The following TRIM49 variants were observed in gnomAD, a reference collection of about 807,000 sequenced individuals.
TRIM49 encodes tripartite motif containing 49.
A neutral mutation model predicts 27.4 loss-of-function variants in TRIM49; 5 were observed. That is an observed-to-expected ratio of 0.18 (90% confidence interval 0.10 to 0.38). TRIM49 has a LOEUF of 0.38. Among genes scored for constraint, TRIM49 ranks in the 10% least tolerant of loss-of-function variants. The pLI, the probability that TRIM49 is intolerant of heterozygous loss-of-function variation, is 1.00. For missense variants in TRIM49, 188 were observed against 487.5 expected, an observed-to-expected ratio of 0.39 and a Z score of 5.79; for synonymous variants, 69 against 166.0, an observed-to-expected ratio of 0.42 and a Z score of 4.49.
At chr11:89,776,750 G>C in the TRIM49 span, among the ~76,000 whole-genome samples, 3 of 152,012 alleles carry the variant, frequency 2.0e-5, no homozygotes, top group South Asian at 4.1e-4. Flanking sequence ...ATCTTGGTAT[G>C]TCAGGGAGTC....
At chr11:89,770,442 A>C in the TRIM49 span, among the ~76,000 whole-genome samples, 1,974 of 136,994 alleles carry the variant, frequency 0.014, 225 homozygotes, top group African/African-American at 0.027. Context: ...TGTAGTTATC[A>C]CTTCCTAAAA....
intron 2 of TRIM49, 56 bp downstream of exon 2, chr11:89,807,041 CTA>C (rs902173760): frequency 6.6e-6 from 1 of 151,114 alleles, no homozygotes; most frequent in Non-Finnish European, 1.5e-5. Flanking sequence ...TTTTAACACT[CTA>C]ATTTATTATT....
At chr11:89,792,766 G>A (rs1949663633), downstream of TRIM49, among the ~76,000 whole-genome samples, 1 of 152,106 alleles carries the variant, frequency 6.6e-6, no homozygotes, top group African/African-American at 2.4e-5. Flanking sequence ...GAAATTTATA[G>A]CACTAAATGC....
the TRIM49 span, chr11:89,768,358 G>T: frequency 7.9e-5 from 92 of 1,171,794 alleles, 2 homozygotes; most frequent in Non-Finnish European, 1.0e-4. Context: ...AACAGAAAAT[G>T]CTTCATTCAA....
chr11:89,803,566 A>G (rs1949757626), intron 4 of TRIM49, 132 bp downstream of exon 4: 3 of 1,527,564 alleles, frequency 2.0e-6, no homozygotes, highest in Non-Finnish European at 2.6e-6. Flanking sequence ...ACTTTTTCTC[A>G]GTGTTTTCTC....
downstream of TRIM49, chr11:89,797,531 A>G (rs1458151437): frequency 4.0e-5 from 6 of 151,016 alleles, no homozygotes; most frequent in South Asian, 4.2e-4. Context: ...AAAAATTTCA[A>G]TTAATCCAGC....
chr11:89,782,194 C>T, the TRIM49 span: 19,073 of 1,505,204 alleles, frequency 0.013, 123 homozygotes, highest in African/African-American at 0.039. Context: ...ATAGTCTCTC[C>T]ACCAACTCTC....
At chr11:89,797,000 C>A (rs1480752812), downstream of TRIM49, among the ~76,000 whole-genome samples, 2 of 151,952 alleles carry the variant, frequency 1.3e-5, no homozygotes, top group Non-Finnish European at 2.9e-5. Context: ...ATCTCTCCAG[C>A]CATGAATAAA....
At chr11:89,791,621 G>C in the TRIM49 span, among the ~76,000 whole-genome samples, 1 of 151,074 alleles carries the variant, frequency 6.6e-6, no homozygotes. Flanking sequence ...TTTCAACCCA[G>C]AATATCATAT....
the TRIM49 span, among the ~76,000 whole-genome samples, chr11:89,767,900 A>T: frequency 7.3e-6 from 1 of 137,170 alleles, no homozygotes; most frequent in African/African-American, 3.4e-5. Context: ...ACTTCATGTA[A>T]TAATTGTATA....
Position 89,798,381 on chromosome 11 carries a change from T to C in TRIM49, c.1108A>G (p.Lys370Glu), listed in dbSNP as rs1247599012. 1 of 1,597,486 alleles carries C rather than the reference T, an allele frequency of 6.3e-7. No individual in the cohort carries two copies. The highest frequency in any genetic ancestry group is 8.5e-7 in the Non-Finnish European group (1 of 1,175,954). The change falls in exon 8 of 8, where the codon AAG becomes GAG. Residue 370 changes from lysine to glutamate, a missense_variant. Physicochemically the swap from Lys to Glu is moderately conservative, Grantham distance 56 (BLOSUM62 1). Transcript: ENST00000329758. ...MYRKEKNQNE[K>E]IDGKAGLFLL... ...AAGAGTCCCGCCTTTCCATCTATCT[T>C]CTCATTCTGATTCTTCTCTTTCCGA...
rs546441736 is a variant in TRIM49 at position 89,804,359 on chromosome 11, A to G, written c.111T>C (p.Pro37=). 4.6e-5 allele frequency: 74 copies of G among 1,611,186 alleles called. 1 individual carries two copies. The highest frequency in any genetic ancestry group is 3.6e-4 in the East Asian group (16 of 44,806). ...TGTCTTGCCAGTTGAGGTAGAAACAAGGCCTGCAAAAGCTGTGCCCACAGT... is the reference window on the plus strand; with the variant it reads ...TGTCTTGCCAGTTGAGGTAGAAACAGGGCCTGCAAAAGCTGTGCCCACAGT... ...TIDCGHSFCR[P]CFYLNWQDIP... The change falls in exon 3 of 8, where the codon CCT becomes CCC. Residue 37 remains proline (P), a synonymous_variant. Transcript: ENST00000329758.
At chr11:89,802,611 A>G (rs1949747333) in intron 4 of TRIM49, among the ~76,000 whole-genome samples, 1 of 151,010 alleles carries the variant, frequency 6.6e-6, no homozygotes. Flanking sequence ...ACATACATAT[A>G]TACACACAAC....
At chr11:89,786,342 T>A in the TRIM49 span, 2 of 142,170 alleles carry the variant, frequency 1.4e-5, 1 homozygote, top group African/African-American at 6.1e-5. Context: ...TACCCCCACA[T>A]TGATGTCAAC....
intron 1 of TRIM49, 39 bp downstream of exon 1, chr11:89,808,398 G>C (rs1229510162): frequency 5.3e-5 from 8 of 150,010 alleles, no homozygotes; most frequent in African/African-American, 2.0e-4. Context: ...TATAGTTAGG[G>C]AGATTCACAT....
chr11:89,790,401 G>A, the TRIM49 span, among the ~76,000 whole-genome samples: 1 of 150,292 alleles, frequency 6.7e-6, no homozygotes, highest in Admixed American at 6.6e-5. Context: ...CAGCTTTGAA[G>A]AGAGTAGTGG....
chr11:89,805,487 G>A (rs1339010789), intron 2 of TRIM49, among the ~76,000 whole-genome samples: 2 of 151,728 alleles, frequency 1.3e-5, no homozygotes, highest in African/African-American at 4.8e-5. Context: ...GCAGAAAAAA[G>A]GCAACTTCCT....
chr11:89,806,353 A>G (rs1455236641), intron 2 of TRIM49, among the ~76,000 whole-genome samples: 4 of 150,008 alleles, frequency 2.7e-5, no homozygotes, highest in African/African-American at 1.0e-4. Flanking sequence ...GAGAACCCTG[A>G]CTAATATAAA....
In TRIM49 at chr11:89,798,386, T is replaced by A; in HGVS notation, c.1103A>T (p.Asn368Ile). 1 of 1,600,648 alleles carries A rather than the reference T, an allele frequency of 6.2e-7. No individual in the cohort carries two copies. Among genetic ancestry groups the A allele is most frequent in the Non-Finnish European group, 8.5e-7 (1 of 1,176,942 alleles). Residue 368 changes from asparagine (N) to isoleucine (I), a missense_variant, in exon 8 of 8, where the codon AAT becomes ATT. By Grantham distance (149) the Asn-to-Ile change is moderately radical. Around this residue, in one of 6 missense-constraint regions of TRIM49, gnomAD observed 94 missense variants for 149.6 expected, o/e 0.63. Transcript: ENST00000329758. ...CNMYRKEKNQ[N>I]EKIDGKAGLF... ...TCCCGCCTTTCCATCTATCTTCTCA[T>A]TCTGATTCTTCTCTTTCCGATACAT...
Sources: gnomAD v4.1 joint callset for allele counts (sites outside exome capture counted in the v4.1 genomes callset) on GRCh38, gnomAD v4.1.1 for gene constraint, gnomAD v4.1.1 regional missense constraint, MANE v1.5 for transcripts, NCBI Gene and HGNC (gene_info 2026-07-23, HGNC 2026-07-21) for gene names.